Variants in GRAMD1A observed in about 807,000 individuals in gnomAD.
The protein encoded by GRAMD1A is protein Aster-A.
A neutral mutation model predicts 92.0 loss-of-function variants in GRAMD1A; 50 were observed. The observed-to-expected ratio is 0.54, with a 90% CI of 0.43 to 0.69. The LOEUF (loss-of-function observed/expected upper bound fraction) is 0.69, where lower values mean the gene tolerates loss of function less well. Ranked by LOEUF, GRAMD1A falls within the 30% of genes least tolerant of loss-of-function variation. The pLI, the probability that GRAMD1A is intolerant of heterozygous loss-of-function variation, is 0.00. For missense variants in GRAMD1A, 819 were observed against 978.9 expected (o/e 0.84, Z 2.18); for synonymous variants, 405 against 403.6 (o/e 1.00, Z -0.04).
chr19:34,998,041 A>C (rs1423060912), upstream of GRAMD1A, among the ~76,000 whole-genome samples: 1 of 148,556 alleles, frequency 6.7e-6, no homozygotes, highest in Non-Finnish European at 1.5e-5. Flanking sequence ...GCACCACTCC[A>C]GCCTGAGCGA....
rs200884983 is a variant in GRAMD1A at position 35,013,571 on chromosome 19, C to T, written c.750C>T (p.Ala250=). 5 of 1,611,918 alleles carry T rather than the reference C, an allele frequency of 3.1e-6. No individual in the cohort carries two copies. Among genetic ancestry groups the T allele is most frequent in the African/African-American group, 2.7e-5 (2 of 74,904 alleles). The change falls in exon 9 of 20, where the codon GCC becomes GCT. Residue 250 remains alanine (A), a synonymous_variant. Coordinates refer to ENST00000317991, the MANE Select transcript of GRAMD1A (RefSeq NM_020895.5). The surrounding 1 kb of genome is among the most constrained non-coding windows in gnomAD (Gnocchi z 4.9). ...GTPKEVGDVI[A]LSDITSSGAA... ...CCAAGGAAGTGGGAGATGTGATCGC[C>T]CTGAGCGACATCACCTCCTCGGGGG...
chr19:35,017,925 T>G (rs1206257999), intron 11 of GRAMD1A, among the ~76,000 whole-genome samples: 1 of 152,210 alleles, frequency 6.6e-6, no homozygotes, highest in Non-Finnish European at 1.5e-5. Flanking sequence ...CCCACTGGCC[T>G]CCAAGCCCTG....
upstream of GRAMD1A, chr19:34,998,585 G>A (rs2151693786): frequency 6.6e-6 from 1 of 152,192 alleles, no homozygotes; most frequent in South Asian, 2.1e-4. Context: ...TTACAGGCGT[G>A]ACCCAACGCG....
At chr19:35,023,982 G>A (rs1568342194) in intron 19 of GRAMD1A, among the ~76,000 whole-genome samples, 1 of 152,174 alleles carries the variant, frequency 6.6e-6, no homozygotes, top group Non-Finnish European at 1.5e-5. Flanking sequence ...CAGGCCACGT[G>A]TGGTCCCTCT....
intron 3 of GRAMD1A, 91 bp downstream of exon 3, chr19:35,009,534 C>A: frequency 7.5e-7 from 1 of 1,337,720 alleles, no homozygotes; most frequent in Non-Finnish European, 1.1e-6. Flanking sequence ...GGAGTGCGTG[C>A]TGAGATGGAG....
chr19:35,020,363 A>C (rs2015960847), intron 13 of GRAMD1A, among the ~76,000 whole-genome samples: 1 of 152,038 alleles, frequency 6.6e-6, no homozygotes, highest in African/African-American at 2.4e-5. Flanking sequence ...ACATGGTGAA[A>C]CCCATCTCTA....
At chr19:35,012,911 G>A (rs2015341214) in intron 7 of GRAMD1A, 2 of 195,852 alleles carry the variant, frequency 1.0e-5, no homozygotes, top group African/African-American at 2.3e-5. Context: ...GGAGGGAGAG[G>A]TTGCAGTGAG....
chr19:35,013,021 G>A lies in GRAMD1A; in HGVS notation c.607-235G>A. ...TATAAAAAAAATGGGAACATTCTCTGGCCAGAGTATTGTGGGGACTTGGGA... is the reference window on the plus strand; with the variant it reads ...TATAAAAAAAATGGGAACATTCTCTAGCCAGAGTATTGTGGGGACTTGGGA... On this transcript the variant is annotated intron_variant, in intron 7 of 19. Transcript: ENST00000317991. This position sits in a 1 kb window ranked among gnomAD's most constrained non-coding sequence, Gnocchi z 4.9. The A allele has an allele frequency of 1.9e-6, 1 of 522,036 alleles. No individual in the cohort carries two copies. Among genetic ancestry groups the A allele is most frequent in the Admixed American group, 3.1e-5 (1 of 32,064 alleles). 32.3% of individuals were successfully genotyped at this position (522,036 alleles called of 1,614,324 possible).
intron 1 of GRAMD1A, among the ~76,000 whole-genome samples, chr19:35,004,335 T>A (rs2014641622): frequency 6.6e-6 from 1 of 152,066 alleles, no homozygotes. Flanking sequence ...CCATCCCTTA[T>A]CTCTGTGGTC....
chr19:35,003,155 T>C (rs1046786709), intron 1 of GRAMD1A, among the ~76,000 whole-genome samples: 1 of 77,040 alleles, frequency 1.3e-5, no homozygotes, highest in Non-Finnish European at 3.6e-5. Flanking sequence ...TGTGTGTGTG[T>C]GTGTGTGTGT....
rs747604471 is a variant in GRAMD1A, at chr19:35,009,913, G to A, written c.266G>A (p.Arg89His). Reference sequence around the variant, plus strand: ...ATGCTGAGCCCCACTTATAAGCAGCGTAATGAGGACTTCCGGAAACTGTTC... The same window carrying A: ...ATGCTGAGCCCCACTTATAAGCAGCATAATGAGGACTTCCGGAAACTGTTC... ...YSMLSPTYKQRNEDFRKLFSK... is the reference protein window; with the variant it reads ...YSMLSPTYKQHNEDFRKLFSK... The change falls in exon 4 of 20, where the codon CGT becomes CAT. Residue 89 changes from arginine to histidine, a missense_variant. By Grantham distance (29) the Arg-to-His change is conservative. Around this residue, in one of 3 missense-constraint regions of GRAMD1A, gnomAD observed 144 missense variants for 220.3 expected, o/e 0.65. Transcript: ENST00000317991. The A allele has an allele frequency of 2.5e-6, 4 of 1,611,840 alleles. No homozygotes were observed. Among genetic ancestry groups the A allele is most frequent in the East Asian group, 2.2e-5 (1 of 44,880 alleles).
chr19:35,015,876 T>C lies in GRAMD1A; in HGVS notation c.1122T>C (p.Ser374=). 6.2e-7 allele frequency: 1 copy of C among 1,614,154 alleles called. No individual in the cohort carries two copies. Residue 374 remains serine, a synonymous_variant, in exon 11 of 20, where the codon TCT becomes TCC. Coordinates refer to ENST00000317991, the MANE Select transcript of GRAMD1A (RefSeq NM_020895.5). ...PDLSGRLLIN[S]VFHVGAERLQ... ...TCTCCGGCCGCCTCCTCATCAACTC[T>C]GTCTTCCATGTGGGCGCTGAGCGGC...
chr19:35,023,013 GCCT>G, intron 17 of GRAMD1A, 102 bp downstream of exon 17: 1 of 999,486 alleles, frequency 1.0e-6, no homozygotes, highest in Non-Finnish European at 1.5e-6. Context: ...CAGGGAGGTG[GCCT>G]GGCATGGCAG....
At chr19:35,023,032 G>A in intron 17 of GRAMD1A, 121 bp downstream of exon 17, 2 of 896,348 alleles carry the variant, frequency 2.2e-6, no homozygotes, top group Non-Finnish European at 3.6e-6. Flanking sequence ...GGCAGTCAAG[G>A]GTATGGGCAT....
At chr19:35,006,379 C>T (rs954252967) in intron 1 of GRAMD1A, among the ~76,000 whole-genome samples, 4 of 152,158 alleles carry the variant, frequency 2.6e-5, no homozygotes, top group African/African-American at 7.2e-5. Context: ...AGTGGTTTGC[C>T]GCTTTGAGCT....
rs778050841 is a variant in GRAMD1A, at chr19:35,023,542, G to A, written c.2077G>A (p.Asp693Asn). Residue 693 changes from aspartate (D) to asparagine (N), a missense_variant, in exon 19 of 20, where the codon GAT (aspartate) becomes AAT (asparagine). Asp to Asn is a conservative substitution (Grantham distance 23). Around this residue, in one of 3 missense-constraint regions of GRAMD1A, gnomAD observed 577 missense variants for 674.6 expected, o/e 0.86. Coordinates refer to ENST00000317991, the MANE Select transcript of GRAMD1A (RefSeq NM_020895.5). ...CCTGCGGGCCTCCGTGGAGCTCCTGGATGAGGTAGGAGGCGCCGCTCGGGC... is the reference window on the plus strand; with the variant it reads ...CCTGCGGGCCTCCGTGGAGCTCCTGAATGAGGTAGGAGGCGCCGCTCGGGC... ...QILRASVELL[D>N]EMKFSLEKLH... 1.3e-6 allele frequency: 2 copies of A among 1,577,142 alleles called. No individual in the cohort carries two copies. The highest frequency in any genetic ancestry group is 2.3e-5 in the South Asian group (2 of 87,100).
At chr19:35,011,447 A>T in intron 6 of GRAMD1A, 27 bp from the exon 7 acceptor site, 5 of 1,485,386 alleles carry the variant, frequency 3.4e-6, no homozygotes, top group Non-Finnish European at 3.7e-6. Context: ...ACCTGCTCAC[A>T]CCTCTCTCTC....
Position 35,000,372 on chromosome 19 carries a change from A to AGGCCGGTGG in GRAMD1A, c.-99_-98insGGGCCGGTG. 8.9e-7 allele frequency: 1 copy of AGGCCGGTGG among 1,124,558 alleles called. No individual in the cohort carries two copies. The highest frequency in any genetic ancestry group is 4.3e-5 in the South Asian group (1 of 23,388). The allele number at this position is 1,124,558 out of a possible 1,614,324, so 69.7% of individuals were successfully genotyped here. On this transcript the variant is annotated 5_prime_UTR_variant, in exon 1 of 20. Transcript: ENST00000317991. This position sits in a 1 kb window ranked among gnomAD's most constrained non-coding sequence, Gnocchi z 4.9. ...GTGGGGGCGGCGGCCGCGGAAGGCC[A>AGGCCGGTGG]GGCCGGTGCCCTGCGGGGACGCCCA...
Position 35,015,863 on chromosome 19 carries a change from T to G in GRAMD1A, c.1109T>G (p.Leu370Arg). Residue 370 changes from leucine to arginine, a missense_variant, in exon 11 of 20, where the codon CTC becomes CGC. Coordinates refer to ENST00000317991, the MANE Select transcript of GRAMD1A (RefSeq NM_020895.5). ...AALLPDLSGR[L>R]LINSVFHVGA... ...CTGCTTCCCGACCTCTCCGGCCGCC[T>G]CCTCATCAACTCTGTCTTCCATGTG... The G allele has an allele frequency of 6.2e-7, 1 of 1,614,054 alleles. No individual in the cohort carries two copies. The highest frequency in any genetic ancestry group is 8.5e-7 in the Non-Finnish European group (1 of 1,179,982).
Sources: allele counts gnomAD v4.1 joint callset (sites outside exome capture counted in the v4.1 genomes callset), GRCh38; gene constraint gnomAD v4.1.1; regional missense constraint gnomAD v4.1.1; non-coding constraint Gnocchi (gnomAD v3.1); transcripts MANE v1.5; gene names NCBI Gene and HGNC (gene_info 2026-07-23, HGNC 2026-07-21).